Variants in CACNA2D2 observed in about 807,000 individuals in gnomAD.
CACNA2D2 encodes voltage-dependent calcium channel subunit alpha-2/delta-2.
A neutral mutation model predicts 166.4 loss-of-function variants in CACNA2D2; 48 were observed. That is an observed-to-expected ratio of 0.29 (90% CI 0.23 to 0.37). The LOEUF (loss-of-function observed/expected upper bound fraction) is 0.37, where lower values mean the gene tolerates loss of function less well. Among genes scored for constraint, CACNA2D2 ranks in the 10% least tolerant of loss-of-function variants. The pLI is 1.00. For synonymous variants in CACNA2D2, 561 were observed against 573.7 expected (o/e 0.98, Z 0.32); for missense variants, 1,122 against 1,433.0 (o/e 0.78, Z 3.50).
intron 2 of CACNA2D2, among the ~76,000 whole-genome samples, chr3:50,473,644 C>T (rs901129556): frequency 1.3e-5 from 2 of 152,200 alleles, no homozygotes; most frequent in East Asian, 1.9e-4. Context: ...GTACATGGAC[C>T]GTCTTCGTGT....
At chr3:50,395,599 G>A (rs779344082) in intron 3 of CACNA2D2, among the ~76,000 whole-genome samples, 1 of 152,228 alleles carries the variant, frequency 6.6e-6, no homozygotes, top group Non-Finnish European at 1.5e-5. Context: ...TATGGCATGT[G>A]GGCCCCAGAG....
intron 2 of CACNA2D2, among the ~76,000 whole-genome samples, chr3:50,443,587 G>A (rs751097706): frequency 3.3e-5 from 5 of 152,120 alleles, no homozygotes; most frequent in South Asian, 2.1e-4. Flanking sequence ...CCTTCAGTCC[G>A]TTCACCACCT....
chr3:50,396,458 G>A (rs370925428), intron 3 of CACNA2D2, among the ~76,000 whole-genome samples: 1 of 152,284 alleles, frequency 6.6e-6, no homozygotes, highest in Admixed American at 6.5e-5. Flanking sequence ...TCCAGGTCCT[G>A]TAGGGCCCAC....
Position 50,364,988 on chromosome 3 carries a change from G to A in CACNA2D2, c.3209-18C>T, listed in dbSNP as rs1232722498. ...GCCGTCCGCTGGGCATGGGTGGGGA[G>A]TCAAGGAGGCGGACGGCGGCGGCGG... On this transcript the variant is annotated intron_variant, in intron 36 of 37. Transcript: ENST00000424201. 6.2e-7 allele frequency: 1 copy of A among 1,611,246 alleles called. No individual in the cohort carries two copies. Among genetic ancestry groups the A allele is most frequent in the Admixed American group, 1.7e-5 (1 of 59,918 alleles).
chr3:50,394,047 C>A, intron 4 of CACNA2D2, 62 bp downstream of exon 4: 2 of 1,482,118 alleles, frequency 1.3e-6, no homozygotes, highest in Non-Finnish European at 1.9e-6. Context: ...CACCCCCCAG[C>A]ATTCAAATCC....
chr3:50,453,720 G>T (rs1206738008), intron 2 of CACNA2D2, among the ~76,000 whole-genome samples: 2 of 152,348 alleles, frequency 1.3e-5, no homozygotes, highest in East Asian at 1.9e-4. Context: ...GAGAGGGGCA[G>T]GTGAAGGCTC....
At chr3:50,486,207 T>G (rs1698274578) in intron 1 of CACNA2D2, among the ~76,000 whole-genome samples, 1 of 152,116 alleles carries the variant, frequency 6.6e-6, no homozygotes, top group Non-Finnish European at 1.5e-5. Context: ...GAGAGCACAG[T>G]AGGGTTGGGA....
chr3:50,471,621 A>G (rs1710100230), intron 2 of CACNA2D2, among the ~76,000 whole-genome samples: 2 of 152,110 alleles, frequency 1.3e-5, no homozygotes, highest in East Asian at 1.9e-4. Context: ...GTGAGTGTGC[A>G]TGTGTTTCAG....
intron 3 of CACNA2D2, among the ~76,000 whole-genome samples, chr3:50,432,607 G>A (rs1708124384): frequency 6.6e-6 from 1 of 152,230 alleles, no homozygotes. Flanking sequence ...CTGGCTGAGA[G>A]AGGCGAGCGT....
chr3:50,395,160 A>C (rs1173714866), intron 3 of CACNA2D2, among the ~76,000 whole-genome samples: 1 of 152,166 alleles, frequency 6.6e-6, no homozygotes, highest in African/African-American at 2.4e-5. Flanking sequence ...GACAACCATC[A>C]CTATCAACTG....
intron 13 of CACNA2D2, 148 bp from the exon 14 acceptor site, chr3:50,378,481 C>T (rs1705110468): frequency 3.8e-6 from 3 of 779,736 alleles, no homozygotes; most frequent in Admixed American, 2.1e-5. Context: ...TGCTCCCGGC[C>T]TCTGCCCTGC....
chr3:50,480,324 A>C (rs1051598822), intron 1 of CACNA2D2, among the ~76,000 whole-genome samples: 3 of 152,118 alleles, frequency 2.0e-5, no homozygotes, highest in Non-Finnish European at 4.4e-5. Context: ...GGTAATAATG[A>C]CTGGCTGAAT....
rs1427373623 is a variant in CACNA2D2 at position 50,367,938 on chromosome 3, C to G, written c.2144-36G>C. The G allele has an allele frequency of 7.3e-7, 1 of 1,372,994 alleles. No homozygotes were observed. The highest frequency in any genetic ancestry group is 2.4e-5 in the East Asian group (1 of 41,836). 85.1% of individuals were successfully genotyped at this position (1,372,994 alleles called of 1,614,324 possible). On this transcript the variant is annotated intron_variant, in intron 24 of 37. Coordinates refer to ENST00000424201, the MANE Select transcript of CACNA2D2 (RefSeq NM_006030.4). The surrounding 1 kb of genome is among the most constrained non-coding windows in gnomAD (Gnocchi z 6.5). ...AGGGGAGGGGTGGGGGTGGGGGCATCTTCTTGCAGCTCCTTGCCCACCCTC... is the reference window on the plus strand; with the variant it reads ...AGGGGAGGGGTGGGGGTGGGGGCATGTTCTTGCAGCTCCTTGCCCACCCTC...
chr3:50,462,436 A>AATG (rs1709633711), intron 2 of CACNA2D2, among the ~76,000 whole-genome samples: 1 of 136,622 alleles, frequency 7.3e-6, no homozygotes, highest in South Asian at 2.3e-4. Flanking sequence ...TAATAATGAT[A>AATG]ATAATAATAA....
At chr3:50,476,399 G>A (rs188615109) in intron 1 of CACNA2D2, among the ~76,000 whole-genome samples, 200 bp from the exon 2 acceptor site, 29 of 152,356 alleles carry the variant, frequency 1.9e-4, no homozygotes, top group Admixed American at 1.2e-3. Context: ...TGCTCCTCAT[G>A]CACTGTGGGG....
chr3:50,420,825 T>G (rs1459156557), intron 3 of CACNA2D2, among the ~76,000 whole-genome samples: 2 of 152,090 alleles, frequency 1.3e-5, no homozygotes, highest in Non-Finnish European at 2.9e-5. Context: ...CCCTCACCCC[T>G]TCCTCCTTGC....
intron 3 of CACNA2D2, among the ~76,000 whole-genome samples, chr3:50,410,657 C>T (rs1472146130): frequency 6.6e-6 from 1 of 152,214 alleles, no homozygotes; most frequent in Non-Finnish European, 1.5e-5. Context: ...TGCTCTCCTG[C>T]CCACAAGGCC....
chr3:50,364,692 G>A lies in CACNA2D2; in HGVS notation c.3406C>T (p.Leu1136Phe), dbSNP rs1704118316. 1.3e-6 allele frequency: 2 copies of A among 1,541,840 alleles called. No homozygotes were observed. The highest frequency in any genetic ancestry group is 1.8e-6 in the Non-Finnish European group (2 of 1,142,646). Residue 1136 changes from leucine (L) to phenylalanine (F), a missense_variant, in exon 38 of 38, where the codon CTC becomes TTC. Leu to Phe is a conservative substitution (Grantham distance 22). Transcript: ENST00000424201. ...CAGAGGCGGCGAGAGGCGTGGACGAGGACTTGAGGCTGCGGCCGGGGCGGC... is the reference window on the plus strand; with the variant it reads ...CAGAGGCGGCGAGAGGCGTGGACGAAGACTTGAGGCTGCGGCCGGGGCGGC... Reference protein sequence around the residue: ...GLPPRPQPQVLVHASRRL With the variant: ...GLPPRPQPQVFVHASRRL
chr3:50,443,643 C>G (rs947132340), intron 2 of CACNA2D2, among the ~76,000 whole-genome samples: 5 of 152,234 alleles, frequency 3.3e-5, no homozygotes, highest in Non-Finnish European at 7.3e-5. Flanking sequence ...ACCCTACCCC[C>G]GCAGCAGGAC....
Sources: allele counts gnomAD v4.1 joint callset (sites outside exome capture counted in the v4.1 genomes callset), GRCh38; gene constraint gnomAD v4.1.1; non-coding constraint Gnocchi (gnomAD v3.1); transcripts MANE v1.5; gene names NCBI Gene and HGNC (gene_info 2026-07-23, HGNC 2026-07-21).